The following PASD1 variants were observed in gnomAD, a reference collection of about 807,000 sequenced individuals.
PASD1 encodes PAS domain containing repressor 1, also known as circadian clock protein PASD1.
Under a neutral mutation model 58.8 loss-of-function variants are expected in PASD1, and 13 were observed. The ratio of observed to expected loss-of-function variants is 0.22; its 90% CI spans 0.14 to 0.35. The LOEUF is 0.35. Among genes scored for constraint, PASD1 ranks in the 10% least tolerant of loss-of-function variants. The probability of loss-of-function intolerance (pLI) is 1.00; values close to 1 mark genes in which losing one functional copy is unlikely to be tolerated. For synonymous variants in PASD1, 236 were observed against 216.7 expected, an observed-to-expected ratio of 1.09 and a Z score of -0.78; for missense variants, 734 against 568.3, an observed-to-expected ratio of 1.29 and a Z score of -2.96.
intron 1 of PASD1, among the ~76,000 whole-genome samples, chrX:151,588,626 G>A (rs1322123422): frequency 1.8e-5 from 2 of 111,279 alleles, no homozygotes; most frequent in East Asian, 5.7e-4. Context: ...CTGACAAATC[G>A]CTGATTAGGC....
chrX:151,630,152 C>T (rs187837126), intron 8 of PASD1, among the ~76,000 whole-genome samples: 98 of 111,819 alleles, frequency 8.8e-4, no homozygotes, highest in African/African-American at 3.1e-3. Context: ...AGGGAAAAAG[C>T]GGATGCATTT....
chrX:151,639,453 C>T (rs1274753862), intron 8 of PASD1, among the ~76,000 whole-genome samples: 2 of 112,175 alleles, frequency 1.8e-5, no homozygotes. Flanking sequence ...AAACGAGAAA[C>T]TACAATACTA....
intron 8 of PASD1, among the ~76,000 whole-genome samples, chrX:151,633,938 C>T (rs747726290): frequency 1.8e-5 from 2 of 111,784 alleles, no homozygotes; most frequent in South Asian, 7.5e-4. Context: ...TTTTTTCTCA[C>T]AGTATTCATT....
chrX:151,641,487 G>A (rs1325835836), intron 8 of PASD1, among the ~76,000 whole-genome samples: 1 of 111,427 alleles, frequency 9.0e-6, no homozygotes, highest in Non-Finnish European at 1.9e-5. Context: ...ATATGGTGTA[G>A]GTTCAGTTAT....
rs1018730239 is a variant in PASD1 at position 151,563,678 on chromosome X, C to G, written c.-189C>G. 1 of 111,880 alleles carries G rather than the reference C, an allele frequency of 8.9e-6. No homozygotes were observed. The highest frequency in any genetic ancestry group is 1.9e-5 in the Non-Finnish European group (1 of 53,128). The allele number at this position is 111,880 out of a possible 1,213,427, so 9.2% of individuals were successfully genotyped here. On this transcript the variant is annotated 5_prime_UTR_variant, in exon 1 of 16. Coordinates refer to ENST00000370357, the MANE Select transcript of PASD1 (RefSeq NM_173493.3). ...CCACGCCCCCACCACGCGCTTTGCACTCTGGGGCCCACGCACTTCCCTGAA... is the reference window on the plus strand; with the variant it reads ...CCACGCCCCCACCACGCGCTTTGCAGTCTGGGGCCCACGCACTTCCCTGAA...
rs775315308 is a variant in PASD1 at position 151,671,959 on chromosome X, A to G, written c.1437+180A>G. On this transcript the variant is annotated intron_variant, in intron 13 of 15. Coordinates refer to ENST00000370357, the MANE Select transcript of PASD1 (RefSeq NM_173493.3). ...AATGCACATGCTAGACCATGTATACATACATGTACATATGTGCTGGATTAG... is the reference window on the plus strand; with the variant it reads ...AATGCACATGCTAGACCATGTATACGTACATGTACATATGTGCTGGATTAG... 2.4e-3 allele frequency among the ~76,000 whole-genome samples: 272 copies of G among 112,717 alleles called. 3 individuals carry two copies. Among genetic ancestry groups the G allele is most frequent in the African/African-American group, 8.4e-3 (259 of 31,017 alleles).
At chrX:151,626,327 A>C (rs2013787124) in intron 8 of PASD1, among the ~76,000 whole-genome samples, 1 of 112,125 alleles carries the variant, frequency 8.9e-6, no homozygotes, top group Non-Finnish European at 1.9e-5. Flanking sequence ...AGAGAATAGA[A>C]GCAAATATTC....
chrX:151,564,334 A>G (rs2012795195), intron 1 of PASD1, among the ~76,000 whole-genome samples: 1 of 111,985 alleles, frequency 8.9e-6, no homozygotes, highest in Non-Finnish European at 1.9e-5. Context: ...GGTTTTCAGC[A>G]GATTGAGCAG....
chrX:151,657,855 A>G (rs2014266004), intron 9 of PASD1, among the ~76,000 whole-genome samples: 1 of 103,330 alleles, frequency 9.7e-6, no homozygotes, highest in Admixed American at 1.1e-4. Flanking sequence ...TTTTTTTTAA[A>G]TTCTGCTCTA....
intron 3 of PASD1, among the ~76,000 whole-genome samples, chrX:151,606,709 G>A (rs1456847890): frequency 2.7e-5 from 3 of 110,556 alleles, no homozygotes; most frequent in Admixed American, 2.0e-4. Context: ...TCCAGCCCAT[G>A]GGGGTCCAGA....
At chrX:151,673,614 C>T in intron 14 of PASD1, 1 of 339,906 alleles carries the variant, frequency 2.9e-6, no homozygotes, top group Non-Finnish European at 5.2e-6. Flanking sequence ...CATTAGCTCC[C>T]TGAGTGCTTT....
At chrX:151,604,861 C>G in intron 3 of PASD1, 127 bp downstream of exon 3, 1 of 520,277 alleles carries the variant, frequency 1.9e-6, no homozygotes, top group South Asian at 4.2e-5. Flanking sequence ...AGCTTGATAA[C>G]TTAAATCGTC....
At chrX:151,595,535 G>T (rs1360314516) in intron 1 of PASD1, among the ~76,000 whole-genome samples, 4 of 108,733 alleles carry the variant, frequency 3.7e-5, no homozygotes, top group Non-Finnish European at 7.6e-5. Context: ...TGGCTAACAT[G>T]GTGAAACCCC....
Position 151,653,740 on chromosome X carries a change from T to C in PASD1, c.717+5038T>C, listed in dbSNP as rs1376282056. ...CCCTTCCTTCCTTCTCTCTCTCTCT[T>C]TCTTTCCTTCCTTCTTTCTTTCTTT... On this transcript the variant is annotated intron_variant, in intron 9 of 15. Transcript: ENST00000370357. Among the ~76,000 whole-genome samples the C allele has an allele frequency of 1.3e-4, 7 of 55,160 alleles. 1 individual carries two copies. The highest frequency in any genetic ancestry group is 2.4e-4 in the Non-Finnish European group (5 of 20,640). The allele number at this position is 55,160 out of a possible 115,157, so 47.9% of individuals were successfully genotyped here.
chrX:151,672,597 G>A lies in PASD1; in HGVS notation c.1852G>A (p.Glu618Lys). Reference protein sequence around the residue: ...QPIVPVQRAAEQQPSGFYQDE... With the variant: ...QPIVPVQRAAKQQPSGFYQDE... The stretch of plus-strand genomic sequence containing the variant: ...CATTGTTCCTGTCCAGAGAGCAGCT[G>A]AACAACAGCCCTCTGGCTTCTATCA... The change falls in exon 14 of 16, where the codon GAA (glutamate) becomes AAA (lysine). Residue 618 changes from glutamate (E) to lysine (K), a missense_variant. By Grantham distance (56) the Glu-to-Lys change is moderately conservative (BLOSUM62 1). Transcript: ENST00000370357. The A allele has an allele frequency of 8.2e-7, 1 of 1,212,186 alleles. No homozygotes were observed.
chrX:151,653,443 C>T (rs185321188), intron 9 of PASD1, among the ~76,000 whole-genome samples: 1,274 of 110,224 alleles, frequency 0.012, 10 homozygotes, highest in African/African-American at 0.039. Context: ...CCACCCGCTT[C>T]GGCCTCCCAA....
intron 8 of PASD1, among the ~76,000 whole-genome samples, chrX:151,626,114 C>T (rs2124275188): frequency 8.9e-6 from 1 of 111,751 alleles, no homozygotes; most frequent in African/African-American, 3.2e-5. Flanking sequence ...TTAACTGACC[C>T]AGGCATGTAA....
chrX:151,647,740 A>G lies in PASD1; in HGVS notation c.630-875A>G, dbSNP rs1281426830. 3.6e-5 allele frequency among the ~76,000 whole-genome samples: 4 copies of G among 110,707 alleles called. No individual in the cohort carries two copies. The Admixed American group carries it at 3.9e-4, about 11-fold the overall frequency. ...GTTAGAAATAAATGATATAAATAAA[A>G]TGGATTTTTGTCAGGGTCCTCTGAA... On this transcript the variant is annotated intron_variant, in intron 8 of 15. Coordinates refer to ENST00000370357, the MANE Select transcript of PASD1 (RefSeq NM_173493.3).
intron 1 of PASD1, among the ~76,000 whole-genome samples, chrX:151,597,987 C>A (rs752090655): frequency 8.9e-6 from 1 of 112,250 alleles, no homozygotes; most frequent in Admixed American, 9.4e-5. Flanking sequence ...GCCTCGGCCT[C>A]CCAAAGTGCT....
Sources: gnomAD v4.1 joint callset for allele counts (sites outside exome capture counted in the v4.1 genomes callset) on GRCh38, gnomAD v4.1.1 for gene constraint, MANE v1.5 for transcripts, NCBI Gene and HGNC (gene_info 2026-07-23, HGNC 2026-07-21) for gene names.